The following NTM variants were observed in gnomAD, a reference collection of about 807,000 sequenced individuals.
The protein encoded by NTM is IgLON family member 2.
A neutral mutation model predicts 42.1 loss-of-function variants in NTM; 13 were observed. The ratio of observed to expected loss-of-function variants is 0.31; its 90% CI spans 0.20 to 0.49. The LOEUF (loss-of-function observed/expected upper bound fraction) is 0.49, where lower values mean the gene tolerates loss of function less well. NTM is among the 20% of genes least tolerant of loss of function. The pLI is 0.99. For synonymous variants in NTM, 187 were observed against 179.2 expected (o/e 1.04, Z -0.35); for missense variants, 373 against 452.8 (o/e 0.82, Z 1.60).
At chr11:131,927,202 C>T (rs1257022436) in intron 2 of NTM, among the ~76,000 whole-genome samples, 1 of 152,196 alleles carries the variant, frequency 6.6e-6, no homozygotes, top group Non-Finnish European at 1.5e-5. Flanking sequence ...GGATTATCTC[C>T]ATTTGTGGCT....
intron 1 of NTM, among the ~76,000 whole-genome samples, chr11:131,833,048 A>G (rs977837061): frequency 6.6e-6 from 1 of 152,230 alleles, no homozygotes; most frequent in Non-Finnish European, 1.5e-5. Context: ...TTTTCTCTAC[A>G]ATAGTAACTA....
chr11:132,108,627 A>G (rs2062733595), intron 2 of NTM, among the ~76,000 whole-genome samples: 1 of 152,172 alleles, frequency 6.6e-6, no homozygotes, highest in South Asian at 2.1e-4. Context: ...AATCACCACT[A>G]AAGAACGTAT....
intron 1 of NTM, among the ~76,000 whole-genome samples, chr11:131,469,208 G>T (rs1159973709): frequency 6.6e-6 from 1 of 152,160 alleles, no homozygotes; most frequent in Non-Finnish European, 1.5e-5. Context: ...CTGCTAACGT[G>T]TGTGGGCTCT....
chr11:131,794,347 A>G, intron 1 of NTM: 2 of 297,860 alleles, frequency 6.7e-6, no homozygotes, highest in Non-Finnish European at 9.9e-6. Context: ...AAATCCTTCA[A>G]CGCAGTGATC....
chr11:131,383,993 G>C (rs776439873), intron 1 of NTM, among the ~76,000 whole-genome samples: 1 of 152,128 alleles, frequency 6.6e-6, no homozygotes, highest in East Asian at 1.9e-4. Flanking sequence ...GGAGATGGAC[G>C]GGGAAGAAGA....
intron 2 of NTM, among the ~76,000 whole-genome samples, chr11:131,915,729 A>AG (rs1478719024): frequency 6.6e-6 from 1 of 152,162 alleles, no homozygotes; most frequent in African/African-American, 2.4e-5. Context: ...AGAAGGCAAA[A>AG]GGCACATTTT....
chr11:131,794,597 G>A (rs2091335858), intron 1 of NTM: 6 of 982,500 alleles, frequency 6.1e-6, no homozygotes, highest in African/African-American at 1.8e-5. Flanking sequence ...GCAATAGACC[G>A]ACACAAAATA....
intron 1 of NTM, chr11:131,534,190 G>A (rs754253392): frequency 6.6e-6 from 1 of 152,178 alleles, no homozygotes; most frequent in African/African-American, 2.4e-5. Context: ...AATAATAAGT[G>A]AACTGCTTAC....
chr11:132,285,481 G>T (rs2094193662), intron 4 of NTM, among the ~76,000 whole-genome samples: 1 of 152,090 alleles, frequency 6.6e-6, no homozygotes, highest in African/African-American at 2.4e-5. Context: ...AGATGGCACT[G>T]CTACTCTCAC....
At chr11:132,086,710 T>C (rs1489049857) in intron 2 of NTM, among the ~76,000 whole-genome samples, 1 of 152,208 alleles carries the variant, frequency 6.6e-6, no homozygotes, top group Non-Finnish European at 1.5e-5. Context: ...TAAACAGTGA[T>C]CCTTATCATT....
At chr11:131,462,604 T>G (rs930847698) in intron 1 of NTM, among the ~76,000 whole-genome samples, 1 of 152,260 alleles carries the variant, frequency 6.6e-6, no homozygotes, top group Non-Finnish European at 1.5e-5. Context: ...TCCCTCTTCC[T>G]TGGTTGAGAG....
intron 1 of NTM, among the ~76,000 whole-genome samples, chr11:131,641,542 A>G (rs960257333): frequency 4.6e-4 from 70 of 152,182 alleles, no homozygotes; most frequent in Non-Finnish European, 8.5e-4. Flanking sequence ...AAGGTCATTC[A>G]CTGATACCTG....
At chr11:132,247,926 G>T (rs942562188) in intron 4 of NTM, among the ~76,000 whole-genome samples, 9 of 152,076 alleles carry the variant, frequency 5.9e-5, no homozygotes, top group Non-Finnish European at 2.9e-5. Flanking sequence ...CCCTGAGAAA[G>T]GTCATTTCCA....
intron 1 of NTM, among the ~76,000 whole-genome samples, chr11:131,759,199 T>A (rs1453083932): frequency 6.6e-6 from 1 of 152,180 alleles, no homozygotes; most frequent in Non-Finnish European, 1.5e-5. Context: ...GAGTCACACA[T>A]CTTACTGTGC....
rs758245015 is a variant in NTM, at chr11:131,564,442, G to GC, written c.82+193554_82+193555insC. Among the ~76,000 whole-genome samples, 662 of 125,342 alleles carry GC rather than the reference G, an allele frequency of 5.3e-3. 8 individuals are homozygous for GC. Among genetic ancestry groups the GC allele is most frequent in the African/African-American group, 0.024 (604 of 24,680 alleles). The allele number at this position is 125,342 out of a possible 152,430, so 82.2% of individuals were successfully genotyped here. A position where few individuals can be genotyped will look rare whatever the true frequency, so the allele number is the denominator to read the frequency against. Reference sequence around the variant, plus strand: ...ACATAGTAGAGGGATAGGGTGGGTAGGGGGAGAGAGAGAGGGAGGGAGAGA... The same window carrying GC: ...ACATAGTAGAGGGATAGGGTGGGTAGCGGGGAGAGAGAGAGGGAGGGAGAGA... On this transcript the variant is annotated intron_variant, in intron 1 of 8. Transcript: ENST00000683400.
At chr11:132,059,764 G>T (rs1441014550) in intron 2 of NTM, among the ~76,000 whole-genome samples, 3 of 137,688 alleles carry the variant, frequency 2.2e-5, no homozygotes, top group Admixed American at 8.5e-5. Flanking sequence ...CACGAGCTCT[G>T]CATCAGCCTC....
At chr11:131,842,959 C>T (rs2044455694) in intron 1 of NTM, among the ~76,000 whole-genome samples, 1 of 151,856 alleles carries the variant, frequency 6.6e-6, no homozygotes, top group Non-Finnish European at 1.5e-5. Context: ...TACAGTGAGC[C>T]AAGAGGTACC....
In NTM at chr11:132,283,751, TAGG is replaced by T. The variant is rs1419108096; in HGVS notation, c.527-23934_527-23932del. Among the ~76,000 whole-genome samples, 29 of 152,278 alleles carry T rather than the reference TAGG, an allele frequency of 1.9e-4. No individual in the cohort carries two copies. The South Asian group carries it at 5.6e-3, about 29-fold the overall frequency. On this transcript the variant is annotated intron_variant, in intron 4 of 8. Coordinates refer to ENST00000683400, the MANE Select transcript of NTM (RefSeq NM_001352005.2). ...TGAGAATGCTTTTAGCGAAGAGGGATAGGAGGGGAGGCTAAGATGGGCAAGTCT... is the reference window on the plus strand; with the variant it reads ...TGAGAATGCTTTTAGCGAAGAGGGATAGGGGAGGCTAAGATGGGCAAGTCT...
intron 4 of NTM, among the ~76,000 whole-genome samples, chr11:132,250,059 G>A (rs1430022391): frequency 6.6e-6 from 1 of 152,116 alleles, no homozygotes; most frequent in Non-Finnish European, 1.5e-5. Context: ...CTCTGGGAGA[G>A]CTCTGCTGCT....
Sources: gnomAD v4.1 joint callset for allele counts (sites outside exome capture counted in the v4.1 genomes callset) on GRCh38, gnomAD v4.1.1 for gene constraint, MANE v1.5 for transcripts, NCBI Gene and HGNC (gene_info 2026-07-23, HGNC 2026-07-21) for gene names.